Variants in OSBPL1A observed in about 807,000 individuals in gnomAD.
OSBPL1A encodes oxysterol binding protein like 1A.
A neutral mutation model predicts 137.1 loss-of-function variants in OSBPL1A; 80 were observed. The ratio of observed to expected loss-of-function variants is 0.58; its 90% confidence interval spans 0.49 to 0.70. The LOEUF (loss-of-function observed/expected upper bound fraction) is 0.70, where lower values mean the gene tolerates loss of function less well. Ranked by LOEUF, OSBPL1A falls within the 30% of genes least tolerant of loss-of-function variation. The probability of loss-of-function intolerance (pLI) is 0.00; values close to 1 mark genes in which losing one functional copy is unlikely to be tolerated. For synonymous variants in OSBPL1A, 365 were observed against 389.7 expected, an observed-to-expected ratio of 0.94 and a Z score of 0.75; for missense variants, 970 against 1,129.4, an observed-to-expected ratio of 0.86 and a Z score of 2.02.
Position 24,280,960 on chromosome 18 carries a change from AAAAT to A in OSBPL1A, c.1175-16_1175-13del. ...TGATGGAAGCATTTCTATAAAGAAA[AAAAT>A]AAATACAGTGAGTCGGATTTTAAGG... On this transcript the variant is annotated splice_polypyrimidine_tract_variant and intron_variant, in intron 14 of 27. Transcript: ENST00000319481. 3.2e-6 allele frequency: 5 copies of A among 1,554,736 alleles called. No individual in the cohort carries two copies. The highest frequency in any genetic ancestry group is 3.5e-6 in the Non-Finnish European group (4 of 1,143,814).
rs142243757 is a variant in OSBPL1A, at chr18:24,348,689, G to A, written c.283-7031C>T. On this transcript the variant is annotated intron_variant, in intron 4 of 27. Transcript: ENST00000319481. Reference sequence around the variant, plus strand: ...CTTGGGAAGCTGAGGCAGGAGAATCGCTTGAACCTGGGAGGTAGAGGTTGC... The same window carrying A: ...CTTGGGAAGCTGAGGCAGGAGAATCACTTGAACCTGGGAGGTAGAGGTTGC... 4.8e-3 allele frequency among the ~76,000 whole-genome samples: 736 copies of A among 152,038 alleles called. 6 individuals carry two copies. The highest frequency in any genetic ancestry group is 0.017 in the African/African-American group (687 of 41,454).
At chr18:24,203,103 G>A (rs887479381) in intron 17 of OSBPL1A, among the ~76,000 whole-genome samples, 2 of 152,086 alleles carry the variant, frequency 1.3e-5, no homozygotes, top group Non-Finnish European at 2.9e-5. Context: ...TCAGCCATCC[G>A]AGTAGCTGGG....
At chr18:24,210,529 CTTTTTCT>C (rs1032282967) in intron 17 of OSBPL1A, among the ~76,000 whole-genome samples, 2 of 116,910 alleles carry the variant, frequency 1.7e-5, no homozygotes, top group Non-Finnish European at 3.8e-5. Context: ...CTCTCCTTTT[CTTTTTCT>C]TTTTTTTTTT....
chr18:24,193,487 CA>C (rs61065111), intron 18 of OSBPL1A, among the ~76,000 whole-genome samples: 2,410 of 78,832 alleles, frequency 0.031, 36 homozygotes, highest in African/African-American at 0.07. Flanking sequence ...GACTCCGACT[CA>C]AAAAAAAAAA....
intron 17 of OSBPL1A, among the ~76,000 whole-genome samples, chr18:24,224,411 A>G (rs541546671): frequency 2.8e-4 from 42 of 152,324 alleles, no homozygotes; most frequent in African/African-American, 1.0e-3. Context: ...CTATATGAAC[A>G]CTAGCATGCA....
intron 4 of OSBPL1A, among the ~76,000 whole-genome samples, chr18:24,343,093 T>G (rs2091296853): frequency 6.6e-6 from 1 of 152,018 alleles, no homozygotes; most frequent in Non-Finnish European, 1.5e-5. Context: ...TACAAGTCTC[T>G]TGACTTGTAT....
At chr18:24,386,013 G>A (rs1049841718) in intron 1 of OSBPL1A, among the ~76,000 whole-genome samples, 1 of 152,126 alleles carries the variant, frequency 6.6e-6, no homozygotes, top group African/African-American at 2.4e-5. Flanking sequence ...AAGACGGCAA[G>A]GATCATGATG....
At chr18:24,333,196 G>A in intron 6 of OSBPL1A, 110 bp from the exon 7 acceptor site, 2 of 1,224,106 alleles carry the variant, frequency 1.6e-6, no homozygotes, top group Non-Finnish European at 2.3e-6. Context: ...AAGCTCCTTG[G>A]CATCCAGGCT....
At chr18:24,320,517 T>C (rs577656251) in intron 7 of OSBPL1A, among the ~76,000 whole-genome samples, 76 of 152,062 alleles carry the variant, frequency 5.0e-4, no homozygotes, top group Non-Finnish European at 8.7e-4. Flanking sequence ...GAACAGCTGA[T>C]GCAAAGGCTC....
At chr18:24,230,265 G>A (rs1336364274) in intron 16 of OSBPL1A, among the ~76,000 whole-genome samples, 1 of 152,288 alleles carries the variant, frequency 6.6e-6, no homozygotes. Flanking sequence ...GGGAGGAATG[G>A]GGAGTTGGTA....
intron 15 of OSBPL1A, among the ~76,000 whole-genome samples, chr18:24,241,003 C>T (rs568988584): frequency 6.6e-6 from 1 of 152,140 alleles, no homozygotes; most frequent in South Asian, 2.1e-4. Flanking sequence ...TTTGACAAAC[C>T]TGACAAAAAC....
At chr18:24,348,419 C>G (rs964215154) in intron 4 of OSBPL1A, among the ~76,000 whole-genome samples, 1 of 152,108 alleles carries the variant, frequency 6.6e-6, no homozygotes, top group African/African-American at 2.4e-5. Flanking sequence ...TATTATTACA[C>G]CTCTTTTTAA....
intron 17 of OSBPL1A, among the ~76,000 whole-genome samples, chr18:24,205,194 G>C (rs1042847774): frequency 6.6e-6 from 1 of 152,130 alleles, no homozygotes; most frequent in East Asian, 1.9e-4. Context: ...CTCCACAGCC[G>C]TCACTCCTGG....
In OSBPL1A at chr18:24,166,565, C is replaced by T. The variant is rs774947585; in HGVS notation, c.2659+14G>A. ...AATGAGTCTTCACTGGTGGCTTTGG[C>T]GGATGCTAGTTACCTATCTCTCCAT... On this transcript the variant is annotated intron_variant, in intron 26 of 27. Coordinates refer to ENST00000319481, the MANE Select transcript of OSBPL1A (RefSeq NM_080597.4). 1.1e-5 allele frequency: 17 copies of T among 1,598,688 alleles called. No individual in the cohort carries two copies. Among genetic ancestry groups the T allele is most frequent in the African/African-American group, 8.1e-5 (6 of 73,996 alleles).
intron 7 of OSBPL1A, among the ~76,000 whole-genome samples, chr18:24,331,092 T>C (rs2091069689): frequency 6.6e-6 from 1 of 152,010 alleles, no homozygotes; most frequent in Non-Finnish European, 1.5e-5. Flanking sequence ...CGGCCTGGCC[T>C]GTGAAACTAT....
At chr18:24,285,218 T>C (rs890189943) in intron 14 of OSBPL1A, among the ~76,000 whole-genome samples, 2 of 152,118 alleles carry the variant, frequency 1.3e-5, no homozygotes, top group Non-Finnish European at 2.9e-5. Flanking sequence ...CTTACCCCCA[T>C]CCAAACACCA....
At chr18:24,279,014 G>T (rs529268183) in intron 15 of OSBPL1A, among the ~76,000 whole-genome samples, 1 of 152,230 alleles carries the variant, frequency 6.6e-6, no homozygotes, top group Admixed American at 6.5e-5. Flanking sequence ...TCTATTAAAA[G>T]ACTTTTGGTA....
chr18:24,229,534 A>G (rs1452208049), intron 16 of OSBPL1A, among the ~76,000 whole-genome samples: 5 of 152,238 alleles, frequency 3.3e-5, no homozygotes, highest in Non-Finnish European at 5.9e-5. Context: ...TGGTCACACC[A>G]ATCTATCGCT....
intron 15 of OSBPL1A, among the ~76,000 whole-genome samples, chr18:24,251,557 G>C (rs764691599): frequency 6.6e-6 from 1 of 152,194 alleles, no homozygotes; most frequent in Non-Finnish European, 1.5e-5. Flanking sequence ...TTGGGCTTGG[G>C]ACCCAAGTCT....
Sources: gnomAD v4.1 joint callset for allele counts (sites outside exome capture counted in the v4.1 genomes callset) on GRCh38, gnomAD v4.1.1 for gene constraint, MANE v1.5 for transcripts, NCBI Gene and HGNC (gene_info 2026-07-23, HGNC 2026-07-21) for gene names.